The following AHCYL2 variants were observed in gnomAD, a reference collection of about 807,000 sequenced individuals.
AHCYL2 encodes the protein adenosylhomocysteinase like 2, also known as S-adenosylhomocysteine hydrolase-like protein 2.
In AHCYL2, 28 loss-of-function variants were observed where a neutral mutation model predicts 81.4. The ratio of observed to expected loss-of-function variants is 0.34; its 90% CI spans 0.25 to 0.47. The LOEUF (loss-of-function observed/expected upper bound fraction) is 0.47, where lower values mean the gene tolerates loss of function less well. Ranked by LOEUF, AHCYL2 falls within the 20% of genes least tolerant of loss-of-function variation. The pLI is 1.00. For synonymous variants in AHCYL2, 272 were observed against 290.2 expected, an observed-to-expected ratio of 0.94 and a Z score of 0.64; for missense variants, 551 against 785.1, an observed-to-expected ratio of 0.70 and a Z score of 3.56.
chr7:129,288,563 T>G (rs745751551), intron 1 of AHCYL2, among the ~76,000 whole-genome samples: 3 of 151,144 alleles, frequency 2.0e-5, no homozygotes, highest in Non-Finnish European at 3.0e-5. Context: ...TCTCATCATA[T>G]TGGCCAGGCT....
intron 1 of AHCYL2, among the ~76,000 whole-genome samples, chr7:129,369,465 C>T (rs1041441187): frequency 1.3e-5 from 2 of 151,822 alleles, no homozygotes; most frequent in African/African-American, 4.8e-5. Flanking sequence ...ACTTACATTT[C>T]AACTCATTGT....
intron 5 of AHCYL2, among the ~76,000 whole-genome samples, chr7:129,398,301 A>ATGCCCAGCCCATTTCTTT: frequency 6.8e-6 from 1 of 147,742 alleles, no homozygotes; most frequent in Non-Finnish European, 1.5e-5. Flanking sequence ...GTGAGCCACC[A>ATGCCCAGCCCATTTCTTT]TGCCCAGCCC....
intron 1 of AHCYL2, among the ~76,000 whole-genome samples, chr7:129,374,397 C>T (rs922788458): frequency 6.6e-6 from 1 of 151,970 alleles, no homozygotes; most frequent in African/African-American, 2.4e-5. Context: ...ATAGAAGTAA[C>T]ATATACACAG....
chr7:129,254,929 T>C (rs1158285427), intron 1 of AHCYL2, among the ~76,000 whole-genome samples: 2 of 152,160 alleles, frequency 1.3e-5, no homozygotes, highest in Non-Finnish European at 2.9e-5. Flanking sequence ...GTGGTAGGAT[T>C]TCTGAATTAA....
At chr7:129,366,192 C>G (rs1282736932) in intron 1 of AHCYL2, among the ~76,000 whole-genome samples, 1 of 152,112 alleles carries the variant, frequency 6.6e-6, no homozygotes, top group African/African-American at 2.4e-5. Flanking sequence ...TTTACTTCTA[C>G]CTCTGCTGTT....
chr7:129,338,549 T>TTCCTG (rs1793045035), intron 1 of AHCYL2, among the ~76,000 whole-genome samples: 1 of 152,242 alleles, frequency 6.6e-6, no homozygotes, highest in African/African-American at 2.4e-5. Flanking sequence ...GAGTAGCTGT[T>TTCCTG]TCCTGCAACT....
At chr7:129,275,125 C>T (rs184581700) in intron 1 of AHCYL2, among the ~76,000 whole-genome samples, 3 of 152,290 alleles carry the variant, frequency 2.0e-5, no homozygotes, top group South Asian at 2.1e-4. Context: ...GCTCACACCT[C>T]TAATTCCAGA....
rs59849233 is a variant in AHCYL2, at chr7:129,280,178, C to CTTTTTT, written c.363+54745_363+54750dup. Among the ~76,000 whole-genome samples the CTTTTTT allele has an allele frequency of 1.5e-4, 17 of 112,562 alleles. 2 individuals are homozygous for CTTTTTT. The highest frequency in any genetic ancestry group is 2.8e-4 in the Non-Finnish European group (16 of 56,914). The allele number at this position is 112,562 out of a possible 152,430, so 73.8% of individuals were successfully genotyped here. On this transcript the variant is annotated intron_variant, in intron 1 of 16. Coordinates refer to ENST00000325006, the MANE Select transcript of AHCYL2 (RefSeq NM_015328.4). ...TTATAGTCTTTAAGTTTGCTAAATA[C>CTTTTTT]TTTTTTTTTTTGAGAGAGTCTCGCT...
In AHCYL2 at chr7:129,368,628, A is replaced by G. The variant is rs1383212630; in HGVS notation, c.364-11010A>G. ...CAACCATTTCTGACGGGTGACAAGG[A>G]TCACCTCTGAGAAGCTCCTACCAAG... is the stretch of plus-strand genomic sequence containing the variant. On this transcript the variant is annotated intron_variant, in intron 1 of 16. Coordinates refer to ENST00000325006, the MANE Select transcript of AHCYL2 (RefSeq NM_015328.4). This position sits in a 1 kb window ranked among gnomAD's most constrained non-coding sequence, Gnocchi z 4.4. 6.5e-7 allele frequency: 1 copy of G among 1,548,080 alleles called. No individual in the cohort carries two copies. Among genetic ancestry groups the G allele is most frequent in the Admixed American group, 1.7e-5 (1 of 59,766 alleles).
chr7:129,406,296 AG>A lies in AHCYL2; in HGVS notation c.1207-77del. 1.6e-6 allele frequency: 2 copies of A among 1,230,144 alleles called. No individual in the cohort carries two copies. The highest frequency in any genetic ancestry group is 1.2e-6 in the Non-Finnish European group (1 of 840,034). The allele number at this position is 1,230,144 out of a possible 1,614,324, so 76.2% of individuals were successfully genotyped here. A position where few individuals can be genotyped will look rare whatever the true frequency, so the allele number is the denominator to read the frequency against. ...TGAAATTCCTCTCGGGGGTGGAAAG[AG>A]GGGGTGCACTTTACCAGAAGCTTTG... On this transcript the variant is annotated intron_variant, in intron 9 of 16. Transcript: ENST00000325006. The surrounding 1 kb of genome is among the most constrained non-coding windows in gnomAD (Gnocchi z 4.3).
intron 1 of AHCYL2, among the ~76,000 whole-genome samples, chr7:129,284,010 G>A (rs1259380737): frequency 1.3e-5 from 2 of 152,046 alleles, no homozygotes; most frequent in Non-Finnish European, 2.9e-5. Flanking sequence ...TTAAAAGAAA[G>A]CACTGTCCTT....
chr7:129,318,672 A>C (rs778985761), intron 1 of AHCYL2, among the ~76,000 whole-genome samples: 7 of 152,238 alleles, frequency 4.6e-5, no homozygotes, highest in Non-Finnish European at 7.3e-5. Context: ...AAATGTAAGA[A>C]ATGGAACTGT....
chr7:129,396,877 G>A (rs1795769900), intron 4 of AHCYL2, among the ~76,000 whole-genome samples: 2 of 152,196 alleles, frequency 1.3e-5, no homozygotes, highest in Non-Finnish European at 2.9e-5. Flanking sequence ...TGTCGTTAAG[G>A]TGGGAGCTTC....
chr7:129,267,183 T>A (rs976552097), intron 1 of AHCYL2, among the ~76,000 whole-genome samples: 14 of 151,510 alleles, frequency 9.2e-5, no homozygotes, highest in Non-Finnish European at 1.6e-4. Flanking sequence ...GTGGTGTATG[T>A]ATGAGAGAGA....
At chr7:129,322,282 G>A (rs1049873044) in intron 1 of AHCYL2, among the ~76,000 whole-genome samples, 11 of 151,934 alleles carry the variant, frequency 7.2e-5, no homozygotes, top group African/African-American at 2.7e-4. Context: ...TGGGATTACA[G>A]GTGCCTGCCA....
chr7:129,383,124 AG>A (rs1458964301), intron 2 of AHCYL2, among the ~76,000 whole-genome samples: 1 of 151,234 alleles, frequency 6.6e-6, no homozygotes, highest in Non-Finnish European at 1.5e-5. Flanking sequence ...CTGCCTGCTG[AG>A]TCCTTTCACT....
chr7:129,370,401 A>G (rs201762303), intron 1 of AHCYL2, among the ~76,000 whole-genome samples: 59,066 of 151,820 alleles, frequency 0.39, 11,745 homozygotes, highest in South Asian at 0.57. Flanking sequence ...TAAAAAATAA[A>G]TAAAAAAATT....
rs1273968629 is a variant in AHCYL2, at chr7:129,430,069, G to A, written c.*3024G>A. On this transcript the variant is annotated 3_prime_UTR_variant, in exon 17 of 17. Transcript: ENST00000325006. ...TCTATATACGTAATCATCTAGTTCT[G>A]TCATCTTACTGAAAGGAATAACACT... is the stretch of plus-strand genomic sequence containing the variant. The A allele has an allele frequency of 6.6e-6, 1 of 151,470 alleles. No homozygotes were observed. Among genetic ancestry groups the A allele is most frequent in the Non-Finnish European group, 1.5e-5 (1 of 67,870 alleles). The allele number at this position is 151,470 out of a possible 1,614,324, so 9.4% of individuals were successfully genotyped here. A position where few individuals can be genotyped will look rare whatever the true frequency, so the allele number is the denominator to read the frequency against.
intron 1 of AHCYL2, among the ~76,000 whole-genome samples, chr7:129,250,545 C>A (rs186952188): frequency 6.6e-6 from 1 of 152,138 alleles, no homozygotes; most frequent in Non-Finnish European, 1.5e-5. Flanking sequence ...TCATATTACA[C>A]TGTCTAGAAC....
Sources: allele counts gnomAD v4.1 joint callset (sites outside exome capture counted in the v4.1 genomes callset), GRCh38; gene constraint gnomAD v4.1.1; non-coding constraint Gnocchi (gnomAD v3.1); transcripts MANE v1.5; gene names NCBI Gene and HGNC (gene_info 2026-07-23, HGNC 2026-07-21).